The following PPFIBP1 variants were observed in gnomAD, a reference collection of about 807,000 sequenced individuals.
The protein encoded by PPFIBP1 is liprin-beta-1.
PPFIBP1 carries 112 observed loss-of-function variants against 137.8 expected under a neutral mutation model. The ratio of observed to expected loss-of-function variants is 0.81; its 90% CI spans 0.70 to 0.95. PPFIBP1 has a LOEUF of 0.95. PPFIBP1 is among the 40% of genes least tolerant of loss of function. PPFIBP1 has a pLI of 0.00. For synonymous variants in PPFIBP1, 378 were observed against 417.3 expected (o/e 0.91, Z 1.15); for missense variants, 1,083 against 1,196.6 (o/e 0.91, Z 1.40).
intron 1 of PPFIBP1, among the ~76,000 whole-genome samples, chr12:27,535,134 G>T (rs961095098): frequency 2.0e-5 from 3 of 152,116 alleles, no homozygotes; most frequent in African/African-American, 7.2e-5. Context: ...GGAGCCTGTT[G>T]CAAAATGAAA....
At chr12:27,593,727 G>C in intron 2 of PPFIBP1, 1 of 633,988 alleles carries the variant, frequency 1.6e-6, no homozygotes, top group Non-Finnish European at 2.8e-6. Context: ...AAGCCTATTA[G>C]CTATTGAGTC....
At chr12:27,558,751 G>A (rs2048918648) in intron 1 of PPFIBP1, among the ~76,000 whole-genome samples, 2 of 152,082 alleles carry the variant, frequency 1.3e-5, no homozygotes, top group Non-Finnish European at 2.9e-5. Context: ...TTGTGTTATC[G>A]CAAAGCTTTA....
At chr12:27,646,705 A>G (rs2058524281) in intron 5 of PPFIBP1, among the ~76,000 whole-genome samples, 1 of 152,226 alleles carries the variant, frequency 6.6e-6, no homozygotes, top group Non-Finnish European at 1.5e-5. Flanking sequence ...GAGACAAAAC[A>G]AAACAGTGAC....
At chr12:27,622,585 A>C (rs2056438873) in intron 2 of PPFIBP1, among the ~76,000 whole-genome samples, 1 of 152,214 alleles carries the variant, frequency 6.6e-6, no homozygotes, top group African/African-American at 2.4e-5. Flanking sequence ...TAAAGTATGC[A>C]TTCGTAGGCT....
chr12:27,671,223 TA>T (rs2060183379), intron 13 of PPFIBP1, among the ~76,000 whole-genome samples: 1 of 152,242 alleles, frequency 6.6e-6, no homozygotes, highest in African/African-American at 2.4e-5. Context: ...AGAACCAAGT[TA>T]AAAAGTTTCC....
chr12:27,649,417 A>G (rs1276784631), intron 6 of PPFIBP1, among the ~76,000 whole-genome samples: 6 of 152,202 alleles, frequency 3.9e-5, no homozygotes, highest in East Asian at 3.8e-4. Flanking sequence ...ACCATCATCA[A>G]TGTTATCATC....
chr12:27,673,616 G>T (rs2060332640), intron 15 of PPFIBP1, 151 bp from the exon 16 acceptor site: 1 of 616,914 alleles, frequency 1.6e-6, no homozygotes, highest in East Asian at 2.8e-5. Flanking sequence ...TTGTCATTTA[G>T]TGAAGCACAT....
intron 2 of PPFIBP1, among the ~76,000 whole-genome samples, chr12:27,614,507 T>C (rs1478832779): frequency 1.3e-5 from 2 of 152,358 alleles, no homozygotes; most frequent in South Asian, 2.1e-4. Context: ...AGCCTCAGCA[T>C]GTACAAAGGA....
chr12:27,624,754 T>A (rs1368189646), intron 2 of PPFIBP1, among the ~76,000 whole-genome samples: 3 of 152,210 alleles, frequency 2.0e-5, no homozygotes, highest in Non-Finnish European at 4.4e-5. Flanking sequence ...AGCGTGTGCA[T>A]GTGTGTGTTT....
chr12:27,673,810 A>G lies in PPFIBP1; in HGVS notation c.1363A>G (p.Lys455Glu). The change falls in exon 16 of 30, where the codon AAA becomes GAA. Residue 455 changes from lysine to glutamate, a missense_variant. By Grantham distance (56) the Lys-to-Glu change is moderately conservative. Coordinates refer to ENST00000228425, the MANE Select transcript of PPFIBP1 (RefSeq NM_003622.4). ...GTCCAGCAGCCTGGGCAATCTGAAG[A>G]AAGAGACATCTGATGGGGTGGGTTC... ...QKSSSLGNLK[K>E]ETSDGEKETI... The G allele has an allele frequency of 3.7e-6, 6 of 1,613,736 alleles. No individual in the cohort carries two copies. Among genetic ancestry groups the G allele is most frequent in the Non-Finnish European group, 5.1e-6 (6 of 1,179,708 alleles).
chr12:27,635,078 C>T lies in PPFIBP1; in HGVS notation c.233C>T (p.Thr78Ile). Residue 78 changes from threonine (T) to isoleucine (I), a missense_variant, in exon 4 of 30, where the codon ACA becomes ATA. Coordinates refer to ENST00000228425, the MANE Select transcript of PPFIBP1 (RefSeq NM_003622.4). ...EGLRCQIPDS[T>I]AETLVEWLQS... The stretch of plus-strand genomic sequence containing the variant: ...TTGAGATGCCAGATCCCAGATTCAA[C>T]AGCAGAAACGCTTGTTGAATGGCTT... 2 of 1,614,190 alleles carry T rather than the reference C, an allele frequency of 1.2e-6. No individual in the cohort carries two copies. Among genetic ancestry groups the T allele is most frequent in the Non-Finnish European group, 1.7e-6 (2 of 1,179,998 alleles).
At chr12:27,575,186 G>C (rs981593149) in intron 1 of PPFIBP1, among the ~76,000 whole-genome samples, 2 of 152,122 alleles carry the variant, frequency 1.3e-5, no homozygotes, top group African/African-American at 4.8e-5. Flanking sequence ...CTCTGTTATT[G>C]TGTCTTGGAA....
intron 1 of PPFIBP1, among the ~76,000 whole-genome samples, chr12:27,542,803 G>A (rs1015986543): frequency 2.0e-5 from 3 of 152,116 alleles, no homozygotes; most frequent in African/African-American, 7.2e-5. Flanking sequence ...CCTCAGCTTA[G>A]GATTGTGCTC....
intron 14 of PPFIBP1, 132 bp downstream of exon 14, chr12:27,671,678 G>A (rs1217151192): frequency 3.5e-6 from 2 of 569,096 alleles, no homozygotes; most frequent in Non-Finnish European, 3.1e-6. Flanking sequence ...GTCCACTGGG[G>A]GATCTGTAAT....
chr12:27,582,009 G>T (rs2051178525), intron 2 of PPFIBP1, among the ~76,000 whole-genome samples: 1 of 151,860 alleles, frequency 6.6e-6, no homozygotes, highest in African/African-American at 2.4e-5. Context: ...TATGGAGTTT[G>T]TGGGCTGTTA....
chr12:27,631,417 A>C (rs1212861651), intron 2 of PPFIBP1, among the ~76,000 whole-genome samples: 2 of 151,800 alleles, frequency 1.3e-5, no homozygotes, highest in African/African-American at 4.8e-5. Flanking sequence ...ATCCTACTCC[A>C]TTTTTCCCCT....
chr12:27,633,491 C>G, intron 3 of PPFIBP1, 31 bp downstream of exon 3: 1 of 1,580,122 alleles, frequency 6.3e-7, no homozygotes, highest in South Asian at 1.1e-5. Context: ...GACAGAATCA[C>G]AACATTTACT....
chr12:27,574,620 G>T (rs1171262633), intron 1 of PPFIBP1, among the ~76,000 whole-genome samples: 1 of 152,054 alleles, frequency 6.6e-6, no homozygotes, highest in Admixed American at 6.6e-5. Flanking sequence ...TTATGCAGAG[G>T]TATATTTTAC....
At chr12:27,684,183 A>G (rs1331869949) in intron 24 of PPFIBP1, among the ~76,000 whole-genome samples, 1 of 152,094 alleles carries the variant, frequency 6.6e-6, no homozygotes, top group Non-Finnish European at 1.5e-5. Flanking sequence ...ATCTTGGCTC[A>G]TGGCAACCTC....
Sources: gnomAD v4.1 joint callset for allele counts (sites outside exome capture counted in the v4.1 genomes callset) on GRCh38, gnomAD v4.1.1 for gene constraint, MANE v1.5 for transcripts, NCBI Gene and HGNC (gene_info 2026-07-23, HGNC 2026-07-21) for gene names.